RHOBTB3: variants seen among roughly 807,000 people sequenced by gnomAD.
The protein encoded by RHOBTB3 is rho-related BTB domain-containing protein 3.
A neutral mutation model predicts 67.2 loss-of-function variants in RHOBTB3; 47 were observed. The observed-to-expected ratio is 0.70, with a 90% CI of 0.55 to 0.89. The LOEUF is 0.89. RHOBTB3 is among the 40% of genes least tolerant of loss of function. RHOBTB3 has a pLI of 0.00. For synonymous variants in RHOBTB3, 273 were observed against 274.2 expected (o/e 1.00, Z 0.04); for missense variants, 631 against 750.0 (o/e 0.84, Z 1.85).
rs899114571 is a variant in RHOBTB3, at chr5:95,766,660, G to A, written c.1162-1386G>A. 1.4e-4 allele frequency among the ~76,000 whole-genome samples: 22 copies of A among 152,082 alleles called. 1 individual carries two copies. The highest frequency in any genetic ancestry group is 1.3e-4 in the Non-Finnish European group (9 of 67,980). ...AAAAAAGGGTGGAGGGTATGGAAAGGGAGGCCAGCCCTTGACTTCCAGGAG... is the reference window on the plus strand; with the variant it reads ...AAAAAAGGGTGGAGGGTATGGAAAGAGAGGCCAGCCCTTGACTTCCAGGAG... On this transcript the variant is annotated intron_variant, in intron 7 of 11. Coordinates refer to ENST00000379982, the MANE Select transcript of RHOBTB3 (RefSeq NM_014899.4).
intron 10 of RHOBTB3, among the ~76,000 whole-genome samples, chr5:95,785,318 G>A (rs1028273239): frequency 6.6e-6 from 1 of 152,206 alleles, no homozygotes; most frequent in South Asian, 2.1e-4. Flanking sequence ...AGGGCCAGGC[G>A]TGGTGGCTTA....
chr5:95,768,067 A>G lies in RHOBTB3; in HGVS notation c.1183A>G (p.Lys395Glu), dbSNP rs1251685131. ...ATAGATTAATTGCCTAAGGAATTGCAAAACCTATCAAGCCAGAAAACCTTT... is the reference window on the plus strand; with the variant it reads ...ATAGATTAATTGCCTAAGGAATTGCGAAACCTATCAAGCCAGAAAACCTTT... ...PGKINCLRNC[K>E]TYQARKPLWF... The change falls in exon 8 of 12, where the codon AAA becomes GAA. Residue 395 changes from lysine to glutamate, a missense_variant. Physicochemically the swap from Lys to Glu is moderately conservative, Grantham distance 56. Coordinates refer to ENST00000379982, the MANE Select transcript of RHOBTB3 (RefSeq NM_014899.4). The G allele has an allele frequency of 6.2e-7, 1 of 1,613,272 alleles. No individual in the cohort carries two copies. The highest frequency in any genetic ancestry group is 1.1e-5 in the South Asian group (1 of 90,850).
At chr5:95,784,521 G>T (rs183952082) in intron 10 of RHOBTB3, among the ~76,000 whole-genome samples, 4 of 152,204 alleles carry the variant, frequency 2.6e-5, no homozygotes, top group Admixed American at 6.5e-5. Context: ...TGCCGTATGT[G>T]TACATGCTTC....
intron 7 of RHOBTB3, 80 bp from the exon 8 acceptor site, chr5:95,767,966 T>A: frequency 7.5e-7 from 1 of 1,341,268 alleles, no homozygotes; most frequent in South Asian, 1.2e-5. Flanking sequence ...TTAGCATAAT[T>A]TTCCAAATTC....
rs1376322486 is a variant in RHOBTB3, at chr5:95,731,516, G to A, written c.-167G>A. 2 of 1,261,114 alleles carry A rather than the reference G, an allele frequency of 1.6e-6. No individual in the cohort carries two copies. The highest frequency in any genetic ancestry group is 6.7e-5 in the East Asian group (2 of 29,872). 78.1% of individuals were successfully genotyped at this position (1,261,114 alleles called of 1,614,324 possible). Reference sequence around the variant, plus strand: ...TGGTCCCCGGCTCGCTCGCTGGCTGGCGCGGCCCCGGCCCCGCTCTGCGTC... The same window carrying A: ...TGGTCCCCGGCTCGCTCGCTGGCTGACGCGGCCCCGGCCCCGCTCTGCGTC... On this transcript the variant is annotated 5_prime_UTR_variant, in exon 1 of 12. Transcript: ENST00000379982.
intron 1 of RHOBTB3, among the ~76,000 whole-genome samples, chr5:95,721,527 C>T (rs1754876432): frequency 6.6e-6 from 1 of 151,696 alleles, no homozygotes; most frequent in Admixed American, 6.6e-5. Context: ...GGGAAAGAAA[C>T]TAGTAGTATA....
rs563278102 is a variant in RHOBTB3 at position 95,736,915 on chromosome 5, T to C, written c.255T>C (p.Thr85=). Residue 85 remains threonine, a synonymous_variant, in exon 3 of 12, where the codon ACT becomes ACC. Coordinates refer to ENST00000379982, the MANE Select transcript of RHOBTB3 (RefSeq NM_014899.4). ...VWDIFDSDWY[T]SRNLIGGADI... is the part of the protein sequence containing the mutation. ...ACATATTTGACAGTGATTGGTACAC[T>C]TCTCGAAATCTAATTGGGGGCGCTG... 1.9e-6 allele frequency: 3 copies of C among 1,610,838 alleles called. No homozygotes were observed. The African/African-American group carries it at 4.0e-5, about 21-fold the overall frequency.
At chr5:95,747,217 C>G (rs1744947622) in intron 3 of RHOBTB3, among the ~76,000 whole-genome samples, 1 of 152,198 alleles carries the variant, frequency 6.6e-6, no homozygotes, top group Non-Finnish European at 1.5e-5. Context: ...CCTCCTTTCC[C>G]CAAATGAGGA....
intron 1 of RHOBTB3, among the ~76,000 whole-genome samples, chr5:95,723,076 A>C (rs1754939147): frequency 6.6e-6 from 1 of 152,220 alleles, no homozygotes; most frequent in South Asian, 2.1e-4. Flanking sequence ...TGGATTTCAC[A>C]TGTACATAAC....
At chr5:95,731,777 G>C (rs1423524135) in intron 1 of RHOBTB3, 82 bp from the exon 2 acceptor site, 1 of 1,604,532 alleles carries the variant, frequency 6.2e-7, no homozygotes, top group Non-Finnish European at 8.5e-7. Flanking sequence ...GCCGCGCGCT[G>C]TCCCCCGCAC....
At chr5:95,791,912 C>T (rs1746406784) in intron 11 of RHOBTB3, among the ~76,000 whole-genome samples, 1 of 152,136 alleles carries the variant, frequency 6.6e-6, no homozygotes, top group Non-Finnish European at 1.5e-5. Context: ...CCTAGAATGC[C>T]TAACTGTCTG....
chr5:95,765,940 G>A (rs1193615463), intron 7 of RHOBTB3, among the ~76,000 whole-genome samples: 1 of 152,124 alleles, frequency 6.6e-6, no homozygotes. Context: ...GGGATTACAG[G>A]CATGAGCCAC....
chr5:95,746,205 A>G (rs989849113), intron 3 of RHOBTB3, among the ~76,000 whole-genome samples: 6 of 152,188 alleles, frequency 3.9e-5, no homozygotes, highest in Non-Finnish European at 7.3e-5. Flanking sequence ...CTGCTAGCAT[A>G]AACCTGAAAT....
At position 95,738,847 on chromosome 5, in the gene RHOBTB3, T is replaced by C. The variant is rs189046771; in HGVS notation, c.415+1772T>C. ...TATCTCTTATCGAAGAGATAAGAGA[T>C]AATAATACTTATCTCTTGTTGAAAT... On this transcript the variant is annotated intron_variant, in intron 3 of 11. Coordinates refer to ENST00000379982, the MANE Select transcript of RHOBTB3 (RefSeq NM_014899.4). Among the ~76,000 whole-genome samples the C allele has an allele frequency of 2.6e-5, 4 of 152,292 alleles. No individual in the cohort carries two copies. The East Asian group carries it at 7.7e-4, about 29-fold the overall frequency.
intron 7 of RHOBTB3, among the ~76,000 whole-genome samples, chr5:95,766,100 C>G (rs372381902): frequency 6.6e-6 from 1 of 151,804 alleles, no homozygotes; most frequent in Non-Finnish European, 1.5e-5. Flanking sequence ...TTTGTATGAT[C>G]CTGTTTTGCC....
At chr5:95,769,183 G>T in intron 8 of RHOBTB3, 1 of 339,888 alleles carries the variant, frequency 2.9e-6, no homozygotes, top group South Asian at 2.9e-5. Flanking sequence ...TGTGATTATT[G>T]AATGAAGCTA....
intron 10 of RHOBTB3, among the ~76,000 whole-genome samples, chr5:95,786,527 A>C (rs1746229043): frequency 6.6e-6 from 1 of 152,170 alleles, no homozygotes; most frequent in Non-Finnish European, 1.5e-5. Flanking sequence ...TGAGGTGGAG[A>C]TTCCGTATCT....
rs901786369 is a variant in RHOBTB3, at chr5:95,731,581, G to A, written c.-102G>A. 61 of 1,545,584 alleles carry A rather than the reference G, an allele frequency of 3.9e-5. No individual in the cohort carries two copies. Among genetic ancestry groups the A allele is most frequent in the Non-Finnish European group, 4.8e-5 (55 of 1,146,708 alleles). On this transcript the variant is annotated 5_prime_UTR_variant, in exon 1 of 12. Coordinates refer to ENST00000379982, the MANE Select transcript of RHOBTB3 (RefSeq NM_014899.4). ...GGAGGCGCGCGAGGGGGACGCGGCC[G>A]GGGATGAGCGGATTGCGGGTGAACT...
In RHOBTB3 at chr5:95,736,956, A is replaced by C. The variant is rs1049450616; in HGVS notation, c.296A>C (p.Lys99Thr). The part of the protein sequence containing the change: ...LIGGADIIVI[K>T]YNVNDKFSFH... Reference sequence around the variant, plus strand: ...GGGGGCGCTGACATCATTGTGATCAAATACAACGTTAATGACAAGTTTTCA... The same window carrying C: ...GGGGGCGCTGACATCATTGTGATCACATACAACGTTAATGACAAGTTTTCA... Residue 99 changes from lysine to threonine, a missense_variant, in exon 3 of 12, where the codon AAA becomes ACA. By Grantham distance (78) the Lys-to-Thr change is moderately conservative (BLOSUM62 -1). Coordinates refer to ENST00000379982, the MANE Select transcript of RHOBTB3 (RefSeq NM_014899.4). 1 of 1,612,656 alleles carries C rather than the reference A, an allele frequency of 6.2e-7. No homozygotes were observed. Among genetic ancestry groups the C allele is most frequent in the African/African-American group, 1.3e-5 (1 of 75,012 alleles).
Sources: gnomAD v4.1 joint callset for allele counts (sites outside exome capture counted in the v4.1 genomes callset) on GRCh38, gnomAD v4.1.1 for gene constraint, MANE v1.5 for transcripts, NCBI Gene and HGNC (gene_info 2026-07-23, HGNC 2026-07-21) for gene names.